DTHD1: variants seen among roughly 807,000 people sequenced by gnomAD.
DTHD1 encodes death domain-containing protein 1.
DTHD1 carries 59 observed loss-of-function variants against 74.8 expected under a neutral mutation model. The ratio of observed to expected loss-of-function variants is 0.79; its 90% CI spans 0.64 to 0.98. The LOEUF (loss-of-function observed/expected upper bound fraction) is 0.98, where lower values mean the gene tolerates loss of function less well. Ranked by LOEUF, DTHD1 falls within the 50% of genes least tolerant of loss-of-function variation. The pLI is 0.00. For synonymous variants in DTHD1, 365 were observed against 371.1 expected (o/e 0.98, Z 0.19); for missense variants, 1,051 against 1,065.4 (o/e 0.99, Z 0.19).
At chr4:36,288,682 C>T (rs899056360) in intron 2 of DTHD1, among the ~76,000 whole-genome samples, 1 of 152,114 alleles carries the variant, frequency 6.6e-6, no homozygotes, top group African/African-American at 2.4e-5. Context: ...ATTTGTATAC[C>T]AGTGCCATGC....
At chr4:36,329,883 T>C (rs1180360310) in intron 8 of DTHD1, among the ~76,000 whole-genome samples, 1 of 152,230 alleles carries the variant, frequency 6.6e-6, no homozygotes, top group Non-Finnish European at 1.5e-5. Flanking sequence ...TTAATAATAT[T>C]GTTATGTTTT....
In DTHD1 at chr4:36,343,572, C is replaced by T; in HGVS notation, c.2469C>T (p.Ser823=). The T allele has an allele frequency of 6.4e-7, 1 of 1,551,632 alleles. No homozygotes were observed. The highest frequency in any genetic ancestry group is 8.7e-7 in the Non-Finnish European group (1 of 1,146,924). Reference sequence around the variant, plus strand: ...CAGAAGAAAATGCTGAGTCTCTTTCCTCAACTCTCCCTCTGCGCCGTAGCA... The same window carrying T: ...CAGAAGAAAATGCTGAGTCTCTTTCTTCAACTCTCCCTCTGCGCCGTAGCA... ...ELSEENAESL[S]STLPLRRSTI... is the part of the protein sequence containing the mutation. Residue 823 remains serine (S), a synonymous_variant, in exon 10 of 10, where the codon TCC becomes TCT. Coordinates refer to ENST00000639862, the MANE Select transcript of DTHD1 (RefSeq NM_001170700.3).
At position 36,290,455 on chromosome 4, in the gene DTHD1, GA is replaced by G; in HGVS notation, c.972del (p.Glu324AspfsTer4). 6.4e-7 allele frequency: 1 copy of G among 1,551,852 alleles called. No homozygotes were observed. Among genetic ancestry groups the G allele is most frequent in the Non-Finnish European group, 8.7e-7 (1 of 1,147,006 alleles). ...ACCATCATATGTTCTACAACAACTA[GA>G]ATGCCGGATAATAAATCACATGAGT... is the stretch of plus-strand genomic sequence containing the variant. ...TAPSYVLQQL[E>X]CRIINHMSSL... is the part of the protein sequence containing the mutation. On this transcript the variant is annotated frameshift_variant, in exon 3 of 10. Coordinates refer to ENST00000639862, the MANE Select transcript of DTHD1 (RefSeq NM_001170700.3). LOFTEE classifies it high-confidence loss of function.
At chr4:36,308,631 AC>A (rs1368774736) in intron 7 of DTHD1, 138 bp downstream of exon 7, 7 of 701,122 alleles carry the variant, frequency 1.0e-5, no homozygotes, top group Non-Finnish European at 1.4e-5. Flanking sequence ...AGAGAAAAAG[AC>A]TTATTTATTA....
In DTHD1 at chr4:36,282,001, CAA is replaced by C. The variant is rs1755427710; in HGVS notation, c.245_246del (p.Lys82ArgfsTer22). 2 of 1,521,788 alleles carry C rather than the reference CAA, an allele frequency of 1.3e-6. No individual in the cohort carries two copies. Among genetic ancestry groups the C allele is most frequent in the South Asian group, 1.3e-5 (1 of 79,568 alleles). The allele number at this position is 1,521,788 out of a possible 1,614,324, so 94.3% of individuals were successfully genotyped here. On this transcript the variant is annotated frameshift_variant, in exon 1 of 10. Coordinates refer to ENST00000639862, the MANE Select transcript of DTHD1 (RefSeq NM_001170700.3). LOFTEE classifies it high-confidence loss of function. ...TCQQLHVLLDKENQCVSRKEI... is the reference protein window; with the variant it reads ...TCQQLHVLLDXENQCVSRKEI... ...GCCAGCAGCTGCATGTGCTGCTTGA[CAA>C]AGAGAATCAATGTGTCTCGAGAAAA...
chr4:36,335,290 T>G (rs976509158), intron 8 of DTHD1, among the ~76,000 whole-genome samples: 1 of 152,214 alleles, frequency 6.6e-6, no homozygotes, highest in Admixed American at 6.5e-5. Context: ...GTGGCATGAT[T>G]TCAGCTAAAT....
chr4:36,306,515 T>C (rs1276573996), intron 6 of DTHD1, among the ~76,000 whole-genome samples, 163 bp downstream of exon 6: 2 of 152,242 alleles, frequency 1.3e-5, no homozygotes, highest in African/African-American at 4.8e-5. Flanking sequence ...GACATGGGTA[T>C]GCTATCTGTA....
chr4:36,340,336 G>A (rs1306115338), intron 9 of DTHD1, among the ~76,000 whole-genome samples: 1 of 152,248 alleles, frequency 6.6e-6, no homozygotes, highest in African/African-American at 2.4e-5. Flanking sequence ...AAAACTGACA[G>A]CAGGGATACA....
chr4:36,297,314 A>G (rs1756490698), intron 5 of DTHD1, among the ~76,000 whole-genome samples: 1 of 152,140 alleles, frequency 6.6e-6, no homozygotes, highest in South Asian at 2.1e-4. Context: ...GGTCTTTTTT[A>G]GATTGATTAT....
At chr4:36,300,829 G>A (rs1756726545) in intron 5 of DTHD1, among the ~76,000 whole-genome samples, 1 of 152,140 alleles carries the variant, frequency 6.6e-6, no homozygotes, top group South Asian at 2.1e-4. Flanking sequence ...AATTGTTTCA[G>A]TGAAACATTA....
intron 9 of DTHD1, among the ~76,000 whole-genome samples, chr4:36,339,965 G>T (rs1759226163): frequency 6.6e-6 from 1 of 152,228 alleles, no homozygotes; most frequent in South Asian, 2.1e-4. Context: ...TAAAAGCTTT[G>T]CAAGTTTAAT....
In DTHD1 at chr4:36,344,021, C is replaced by G; in HGVS notation, c.*197C>G. 1.7e-6 allele frequency: 1 copy of G among 582,918 alleles called. No homozygotes were observed. The highest frequency in any genetic ancestry group is 3.0e-6 in the Non-Finnish European group (1 of 338,370). 36.1% of individuals were successfully genotyped at this position (582,918 alleles called of 1,614,324 possible). ...CATTCCTGGGTGTGAGCGCTCCTCT[C>G]TGGTTGAGTGATTATGTTTTGCAAC... On this transcript the variant is annotated 3_prime_UTR_variant, in exon 10 of 10. Transcript: ENST00000639862.
chr4:36,318,740 G>T (rs983152871), intron 8 of DTHD1, among the ~76,000 whole-genome samples: 1 of 147,548 alleles, frequency 6.8e-6, no homozygotes, highest in African/African-American at 2.5e-5. Context: ...TCAGCCTCCC[G>T]AGTAGCTGGG....
Position 36,338,092 on chromosome 4 carries a change from A to G in DTHD1, c.2341-1020A>G, listed in dbSNP as rs1373024932. Reference sequence around the variant, plus strand: ...CACATTCAAGATATAGAACTATTCTATTACCACAAAGATCCCTTTTGTGCT... The same window carrying G: ...CACATTCAAGATATAGAACTATTCTGTTACCACAAAGATCCCTTTTGTGCT... On this transcript the variant is annotated intron_variant, in intron 8 of 9. Transcript: ENST00000639862. 2.0e-5 allele frequency among the ~76,000 whole-genome samples: 3 copies of G among 152,196 alleles called. No homozygotes were observed. In the East Asian group the frequency reaches 5.8e-4, roughly 29 times the overall value.
At position 36,283,968 on chromosome 4, in the gene DTHD1, G is replaced by T; in HGVS notation, c.272-8G>T. On this transcript the variant is annotated splice_polypyrimidine_tract_variant and splice_region_variant and intron_variant, in intron 1 of 9. Coordinates refer to ENST00000639862, the MANE Select transcript of DTHD1 (RefSeq NM_001170700.3). Reference sequence around the variant, plus strand: ...TTATTCTTTGTGTGTCCATGTATGTGTGTGTAGAAATCATTACTTTCATAG... The same window carrying T: ...TTATTCTTTGTGTGTCCATGTATGTTTGTGTAGAAATCATTACTTTCATAG... 1.3e-6 allele frequency: 2 copies of T among 1,500,328 alleles called. No individual in the cohort carries two copies. Among genetic ancestry groups the T allele is most frequent in the South Asian group, 1.2e-5 (1 of 82,956 alleles). The allele number at this position is 1,500,328 out of a possible 1,614,324, so 92.9% of individuals were successfully genotyped here. A position where few individuals can be genotyped will look rare whatever the true frequency, so the allele number is the denominator to read the frequency against.
rs139117982 is a variant in DTHD1 at position 36,329,380 on chromosome 4, G to A, written c.2341-9732G>A. 9.1e-4 allele frequency among the ~76,000 whole-genome samples: 138 copies of A among 151,644 alleles called. 3 individuals carry two copies. In the East Asian group the frequency reaches 0.023, roughly 25 times the overall value. Reference sequence around the variant, plus strand: ...CTTTGCCACTTCTGAATAGTTTAGTGTTTTTCTGTTCTATCCATATGGTGA... The same window carrying A: ...CTTTGCCACTTCTGAATAGTTTAGTATTTTTCTGTTCTATCCATATGGTGA... On this transcript the variant is annotated intron_variant, in intron 8 of 9. Coordinates refer to ENST00000639862, the MANE Select transcript of DTHD1 (RefSeq NM_001170700.3).
In DTHD1 at chr4:36,290,465, T is replaced by A. The variant is rs994537356; in HGVS notation, c.980T>A (p.Ile327Lys). Residue 327 changes from isoleucine to lysine, a missense_variant, in exon 3 of 10, where the codon ATA becomes AAA. By Grantham distance (102) the Ile-to-Lys change is moderately radical. Transcript: ENST00000639862. ...GTTCTACAACAACTAGAATGCCGGA[T>A]AATAAATCACATGAGTTCTTTAATA... ...SYVLQQLECR[I>K]INHMSSLIVG... 4 of 1,551,786 alleles carry A rather than the reference T, an allele frequency of 2.6e-6. No individual in the cohort carries two copies. The highest frequency in any genetic ancestry group is 3.5e-6 in the Non-Finnish European group (4 of 1,147,012).
At chr4:36,315,502 T>C (rs906474786) in intron 7 of DTHD1, 3 of 152,226 alleles carry the variant, frequency 2.0e-5, no homozygotes, top group Admixed American at 6.5e-5. Context: ...AGGAGTTAAA[T>C]TGAGTTTTAT....
chr4:36,340,289 G>A (rs958109239), intron 9 of DTHD1, among the ~76,000 whole-genome samples: 1 of 152,174 alleles, frequency 6.6e-6, no homozygotes, highest in African/African-American at 2.4e-5. Flanking sequence ...TTGTCAACAG[G>A]GGACTGGCAA....
Sources: gnomAD v4.1 joint callset for allele counts (sites outside exome capture counted in the v4.1 genomes callset) on GRCh38, gnomAD v4.1.1 for gene constraint, MANE v1.5 for transcripts, NCBI Gene and HGNC (gene_info 2026-07-23, HGNC 2026-07-21) for gene names.